The following SLC8A1 variants were observed in gnomAD, a reference collection of about 807,000 sequenced individuals.
SLC8A1 encodes the protein solute carrier family 8 member A1.
A neutral mutation model predicts 68.3 loss-of-function variants in SLC8A1; 18 were observed. That is an observed-to-expected ratio of 0.26 (90% confidence interval 0.18 to 0.39). SLC8A1 has a LOEUF of 0.39. SLC8A1 is among the 10% of genes least tolerant of loss of function. SLC8A1 has a pLI of 1.00. For missense variants in SLC8A1, 985 were observed against 1,156.7 expected, an observed-to-expected ratio of 0.85 and a Z score of 2.15; for synonymous variants, 475 against 415.5, an observed-to-expected ratio of 1.14 and a Z score of -1.74.
In SLC8A1 at chr2:40,264,826, G is replaced by A. The variant is rs190485835; in HGVS notation, c.1809-86971C>T. Among the ~76,000 whole-genome samples the A allele has an allele frequency of 8.6e-4, 100 of 115,688 alleles. 1 individual carries two copies. Among genetic ancestry groups the A allele is most frequent in the Non-Finnish European group, 4.0e-4 (22 of 55,104 alleles). The allele number at this position is 115,688 out of a possible 152,430, so 75.9% of individuals were successfully genotyped here. ...TAACAAACCTGCACGTTGTGCACAT[G>A]TACCCTAAAACTTAAAGTATAAAAA... On this transcript the variant is annotated intron_variant, in intron 2 of 7. Transcript: ENST00000406785.
Position 40,395,315 on chromosome 2 carries a change from A to G in SLC8A1, c.1808+33158T>C, listed in dbSNP as rs187089140. On this transcript the variant is annotated intron_variant, in intron 2 of 7. Transcript: ENST00000406785. Reference sequence around the variant, plus strand: ...TTCTTTCTAGTATTAGGTAAATCAGATCTCAAATCTGATCTAGCCCTGCTA... The same window carrying G: ...TTCTTTCTAGTATTAGGTAAATCAGGTCTCAAATCTGATCTAGCCCTGCTA... Among the ~76,000 whole-genome samples, 545 of 152,254 alleles carry G rather than the reference A, an allele frequency of 3.6e-3. 1 individual carries two copies. The highest frequency in any genetic ancestry group is 7.3e-3 in the Admixed American group (111 of 15,286).
chr2:40,367,143 G>A (rs1676485555), intron 2 of SLC8A1, among the ~76,000 whole-genome samples: 1 of 151,974 alleles, frequency 6.6e-6, no homozygotes, highest in Non-Finnish European at 1.5e-5. Context: ...CTGCCAGTGT[G>A]CTGATCCCCA....
intron 2 of SLC8A1, among the ~76,000 whole-genome samples, chr2:40,365,146 C>G (rs561970208): frequency 1.3e-5 from 2 of 151,672 alleles, no homozygotes; most frequent in South Asian, 4.2e-4. Flanking sequence ...AATGCTTTAC[C>G]TTATTTGAAC....
At chr2:40,498,595 T>C (rs1156873618) in intron 1 of SLC8A1, among the ~76,000 whole-genome samples, 3 of 152,128 alleles carry the variant, frequency 2.0e-5, no homozygotes, top group Non-Finnish European at 4.4e-5. Flanking sequence ...TAGAGAAATA[T>C]GGACTGAACA....
At chr2:40,382,063 A>T (rs1682006660) in intron 2 of SLC8A1, among the ~76,000 whole-genome samples, 1 of 152,070 alleles carries the variant, frequency 6.6e-6, no homozygotes, top group Non-Finnish European at 1.5e-5. Context: ...TCTGTGCAGC[A>T]AGCAGTAGGA....
chr2:40,491,615 G>A (rs1457385673), intron 1 of SLC8A1, among the ~76,000 whole-genome samples: 5 of 152,100 alleles, frequency 3.3e-5, no homozygotes, highest in Admixed American at 3.3e-4. Context: ...GATATTGGCT[G>A]TGGGTTTGCA....
intron 2 of SLC8A1, among the ~76,000 whole-genome samples, chr2:40,342,762 C>T (rs950465679): frequency 6.6e-6 from 1 of 152,110 alleles, no homozygotes; most frequent in Non-Finnish European, 1.5e-5. Context: ...CATTTACTTA[C>T]ACTTTATATC....
At chr2:40,219,875 A>ATTTT (rs1162934399) in intron 2 of SLC8A1, among the ~76,000 whole-genome samples, 346 of 27,526 alleles carry the variant, frequency 0.013, 17 homozygotes, top group African/African-American at 0.031. Context: ...CTACTATAGG[A>ATTTT]TTTTTTTTTT....
intron 1 of SLC8A1, among the ~76,000 whole-genome samples, chr2:40,485,967 C>T (rs1482867955): frequency 6.6e-6 from 1 of 152,138 alleles, no homozygotes; most frequent in Non-Finnish European, 1.5e-5. Flanking sequence ...GGTTTGTCCC[C>T]ACTCAAATGT....
chr2:40,229,032 G>C (rs1457419192), intron 2 of SLC8A1, among the ~76,000 whole-genome samples: 1 of 152,056 alleles, frequency 6.6e-6, no homozygotes, highest in Non-Finnish European at 1.5e-5. Flanking sequence ...TTTACATGCA[G>C]TGCCAAAATG....
intron 2 of SLC8A1, among the ~76,000 whole-genome samples, chr2:40,422,179 G>C (rs913600451): frequency 6.6e-6 from 1 of 152,054 alleles, no homozygotes; most frequent in Non-Finnish European, 1.5e-5. Context: ...ACCTGGCCCA[G>C]AGCCATTTAA....
intron 2 of SLC8A1, among the ~76,000 whole-genome samples, chr2:40,344,212 C>G (rs1423034526): frequency 6.6e-6 from 1 of 152,160 alleles, no homozygotes; most frequent in Admixed American, 6.5e-5. Context: ...AAGATGTCAA[C>G]AGCAAAGTAT....
intron 2 of SLC8A1, among the ~76,000 whole-genome samples, chr2:40,344,471 G>A (rs1449227416): frequency 2.0e-5 from 3 of 152,250 alleles, no homozygotes; most frequent in Middle Eastern, 3.4e-3. Flanking sequence ...TACCCCAGGT[G>A]TGTACTACAA....
chr2:40,120,042 C>CTT (rs990790383), intron 7 of SLC8A1, among the ~76,000 whole-genome samples: 2 of 152,204 alleles, frequency 1.3e-5, no homozygotes, highest in African/African-American at 4.8e-5. Context: ...AGCAATTATT[C>CTT]TTTACCTAAA....
chr2:40,132,367 C>T (rs905530124), intron 7 of SLC8A1, among the ~76,000 whole-genome samples: 1 of 152,054 alleles, frequency 6.6e-6, no homozygotes, highest in South Asian at 2.1e-4. Flanking sequence ...CTTGTATTCA[C>T]TCTCCTATAA....
intron 2 of SLC8A1, among the ~76,000 whole-genome samples, chr2:40,295,864 G>T (rs988024393): frequency 1.3e-5 from 2 of 152,194 alleles, no homozygotes; most frequent in East Asian, 3.9e-4. Flanking sequence ...AAAACTGAAG[G>T]CCAAAATCGC....
At chr2:40,427,208 T>G (rs1697102788) in intron 2 of SLC8A1, among the ~76,000 whole-genome samples, 1 of 152,040 alleles carries the variant, frequency 6.6e-6, no homozygotes, top group Non-Finnish European at 1.5e-5. Context: ...AACAAAGAGA[T>G]GTAAAGACAC....
At chr2:40,155,239 C>T (rs977698999) in intron 6 of SLC8A1, among the ~76,000 whole-genome samples, 1 of 152,052 alleles carries the variant, frequency 6.6e-6, no homozygotes, top group Non-Finnish European at 1.5e-5. Flanking sequence ...ACGCCATTCT[C>T]CTGCCTCAGC....
At chr2:40,253,744 T>C (rs1052108773) in intron 2 of SLC8A1, among the ~76,000 whole-genome samples, 5 of 147,194 alleles carry the variant, frequency 3.4e-5, no homozygotes, top group Admixed American at 1.4e-4. Context: ...GGAGAATCAC[T>C]TAAACCCAGG....
Sources: gnomAD v4.1 joint callset for allele counts (sites outside exome capture counted in the v4.1 genomes callset) on GRCh38, gnomAD v4.1.1 for gene constraint, MANE v1.5 for transcripts, NCBI Gene and HGNC (gene_info 2026-07-23, HGNC 2026-07-21) for gene names.